Variants in WDR36 observed in about 807,000 individuals in gnomAD.
The protein encoded by WDR36 is WD repeat domain 36.
A neutral mutation model predicts 112.7 loss-of-function variants in WDR36; 63 were observed. That is an observed-to-expected ratio of 0.56 (90% CI 0.46 to 0.69). The LOEUF is 0.69. Among genes scored for constraint, WDR36 ranks in the 30% least tolerant of loss-of-function variants. WDR36 has a pLI of 0.00. For synonymous variants in WDR36, 410 were observed against 362.2 expected, an observed-to-expected ratio of 1.13 and a Z score of -1.50; for missense variants, 1,226 against 1,070.3, an observed-to-expected ratio of 1.15 and a Z score of -2.03.
In WDR36 at chr5:111,120,612, A is replaced by T. The variant is rs1359185075; in HGVS notation, c.2002+19A>T. 6.3e-7 allele frequency: 1 copy of T among 1,581,582 alleles called. No individual in the cohort carries two copies. The highest frequency in any genetic ancestry group is 1.1e-5 in the South Asian group (1 of 90,352). On this transcript the variant is annotated intron_variant, in intron 18 of 22. Transcript: ENST00000513710. The stretch of plus-strand genomic sequence containing the variant: ...ACCCAAGGTAATTAGAAAATTGCAA[A>T]GTAATTTTTGAGGTGTAATATTATA...
Position 111,121,127 on chromosome 5 carries a change from C to T in WDR36, c.2134C>T (p.Leu712Phe). ...PESRWKNLLN[L>F]DVIKKKNKPK... ...ATCACGATGGAAAAACCTTCTTAAC[C>T]TTGATGTTATTAAGGTAATAATTAA... The change falls in exon 19 of 23, where the codon CTT (leucine) becomes TTT (phenylalanine). Residue 712 changes from leucine (L) to phenylalanine (F), a missense_variant. Coordinates refer to ENST00000513710, the MANE Select transcript of WDR36 (RefSeq NM_139281.3). 1.2e-6 allele frequency: 2 copies of T among 1,613,402 alleles called. No homozygotes were observed. Among genetic ancestry groups the T allele is most frequent in the South Asian group, 2.2e-5 (2 of 91,068 alleles).
chr5:111,118,118 A>G (rs1467973123), intron 16 of WDR36, among the ~76,000 whole-genome samples: 1 of 152,182 alleles, frequency 6.6e-6, no homozygotes. Context: ...TCCATCGATT[A>G]TAAGATTAAC....
intron 22 of WDR36, among the ~76,000 whole-genome samples, chr5:111,126,015 C>T (rs989386035): frequency 1.3e-5 from 2 of 152,032 alleles, no homozygotes; most frequent in Non-Finnish European, 2.9e-5. Context: ...TTTAAATAAC[C>T]GCATGTGGCT....
intron 17 of WDR36, 26 bp from the exon 18 acceptor site, chr5:111,120,470 A>G: frequency 4.5e-6 from 7 of 1,558,268 alleles, no homozygotes; most frequent in Non-Finnish European, 6.2e-6. Context: ...AATTTTTAAA[A>G]TATTGCTTAT....
At chr5:111,107,813 C>T (rs1376884622) in intron 12 of WDR36, among the ~76,000 whole-genome samples, 1 of 151,300 alleles carries the variant, frequency 6.6e-6, no homozygotes, top group African/African-American at 2.4e-5. Context: ...GAGTTTATTT[C>T]TGGACTCTGA....
intron 1 of WDR36, among the ~76,000 whole-genome samples, chr5:111,092,974 C>G (rs1172561022): frequency 6.6e-6 from 1 of 152,214 alleles, no homozygotes; most frequent in Admixed American, 6.5e-5. Context: ...AAAACATGCA[C>G]GCTATTACGT....
intron 16 of WDR36, among the ~76,000 whole-genome samples, chr5:111,118,723 C>T (rs940232453): frequency 1.3e-5 from 2 of 151,962 alleles, no homozygotes; most frequent in South Asian, 2.1e-4. Context: ...ATTTAGTATT[C>T]GAGAAAAACA....
Position 111,124,145 on chromosome 5 carries a change from C to G in WDR36, c.2306C>G (p.Ser769Ter). ...VVNLGVLAQK[S>*]DFCLKLEEGL... ...AATCTTGGAGTTTTGGCTCAAAAAT[C>G]AGATTTCTGCTTGAAACTTGAAGAA... is the stretch of plus-strand genomic sequence containing the variant. Residue 769 changes from serine to a stop codon, truncating the protein, a stop_gained, in exon 21 of 23, where the codon TCA becomes TGA. Coordinates refer to ENST00000513710, the MANE Select transcript of WDR36 (RefSeq NM_139281.3). LOFTEE classifies it high-confidence loss of function. The G allele has an allele frequency of 6.2e-7, 1 of 1,612,738 alleles. No individual in the cohort carries two copies. Among genetic ancestry groups the G allele is most frequent in the Non-Finnish European group, 8.5e-7 (1 of 1,179,524 alleles).
chr5:111,123,121 G>A (rs1032018823), intron 19 of WDR36, among the ~76,000 whole-genome samples: 13 of 151,828 alleles, frequency 8.6e-5, no homozygotes, highest in African/African-American at 3.1e-4. Flanking sequence ...AAAAAAAAAT[G>A]TTCCTGAGAT....
intron 4 of WDR36, among the ~76,000 whole-genome samples, chr5:111,099,417 A>C (rs146307890): frequency 3.5e-5 from 4 of 112,886 alleles, no homozygotes; most frequent in Admixed American, 3.4e-4. Context: ...ATCTGGTTAC[A>C]TTTTTAGCTT....
chr5:111,099,463 G>GTTTTTTTTTTTTTTTTTTTTTTTTTT (rs67437234), intron 4 of WDR36, among the ~76,000 whole-genome samples: 1 of 84,964 alleles, frequency 1.2e-5, no homozygotes, highest in Admixed American at 1.2e-4. Context: ...TTTTTTTTTT[G>GTTTTTTTTTTTTTTTTTTTTTTTTTT]TTTTTTTTTT....
Position 111,123,810 on chromosome 5 carries a change from G to T in WDR36, c.2154G>T (p.Lys718Asn). 6.2e-7 allele frequency: 1 copy of T among 1,613,460 alleles called. No individual in the cohort carries two copies. Among genetic ancestry groups the T allele is most frequent in the Non-Finnish European group, 8.5e-7 (1 of 1,179,796 alleles). The change falls in exon 20 of 23, where the codon AAG becomes AAT. Residue 718 changes from lysine to asparagine, a missense_variant. Coordinates refer to ENST00000513710, the MANE Select transcript of WDR36 (RefSeq NM_139281.3). ...NLLNLDVIKKKNKPKEPPKVP... is the reference protein window; with the variant it reads ...NLLNLDVIKKNNKPKEPPKVP... Reference sequence around the variant, plus strand: ...TCTCATTTTCTCTTAATCAGAAAAAGAATAAACCAAAGGAACCACCCAAAG... The same window carrying T: ...TCTCATTTTCTCTTAATCAGAAAAATAATAAACCAAAGGAACCACCCAAAG...
At chr5:111,109,405 C>T (rs567352451) in intron 12 of WDR36, among the ~76,000 whole-genome samples, 47 of 151,202 alleles carry the variant, frequency 3.1e-4, no homozygotes, top group African/African-American at 1.0e-3. Context: ...GTAAATATGT[C>T]GTGACAAAGT....
At chr5:111,112,042 A>C (rs1753352195) in intron 15 of WDR36, among the ~76,000 whole-genome samples, 1 of 151,936 alleles carries the variant, frequency 6.6e-6, no homozygotes, top group Admixed American at 6.6e-5. Flanking sequence ...GAAAAAAAAC[A>C]TGGTCAGGAC....
At chr5:111,093,233 GA>G (rs1752905482) in intron 1 of WDR36, among the ~76,000 whole-genome samples, 2 of 152,184 alleles carry the variant, frequency 1.3e-5, no homozygotes, top group African/African-American at 4.8e-5. Context: ...TGTTAGTGAT[GA>G]TTTTTTCTCC....
At chr5:111,092,713 A>G in intron 1 of WDR36, 95 bp downstream of exon 1, 1 of 1,374,978 alleles carries the variant, frequency 7.3e-7, no homozygotes, top group Non-Finnish European at 1.0e-6. Flanking sequence ...CCCATTTACC[A>G]CGGGCTTCCC....
chr5:111,099,451 GTTTTTTTTTTTGTTTTTTTTTT>G (rs1232658026), intron 4 of WDR36, among the ~76,000 whole-genome samples: 1 of 55,640 alleles, frequency 1.8e-5, no homozygotes, highest in South Asian at 7.9e-4. Context: ...GTTTTTTTTT[GTTTTTTTTTTTGTTTTTTTTTT>G]TTTTTTTTTT....
At chr5:111,125,856 C>T (rs1753670358) in intron 22 of WDR36, 61 bp downstream of exon 22, 1 of 1,586,810 alleles carries the variant, frequency 6.3e-7, no homozygotes, top group Non-Finnish European at 8.6e-7. Flanking sequence ...TGCTATCTAA[C>T]AGAACTTTCT....
intron 3 of WDR36, 127 bp from the exon 4 acceptor site, chr5:111,098,595 A>G: frequency 1.4e-6 from 1 of 709,606 alleles, no homozygotes; most frequent in South Asian, 1.6e-5. Context: ...AACCTTGAAT[A>G]ATCAAAAGTT....
Sources: allele counts gnomAD v4.1 joint callset (sites outside exome capture counted in the v4.1 genomes callset), GRCh38; gene constraint gnomAD v4.1.1; transcripts MANE v1.5; gene names NCBI Gene and HGNC (gene_info 2026-07-23, HGNC 2026-07-21).